FGL1: variants seen among roughly 807,000 people sequenced by gnomAD.
The protein encoded by FGL1 is fibrinogen-like protein 1.
FGL1 carries 59 observed loss-of-function variants against 43.7 expected under a neutral mutation model. The ratio of observed to expected loss-of-function variants is 1.35; its 90% CI spans 1.10 to 1.68. FGL1 has a LOEUF of 1.68. Ranked by LOEUF, FGL1 falls within the 40% of genes most tolerant of loss-of-function variation. FGL1 has a pLI of 0.00. For synonymous variants in FGL1, 192 were observed against 126.5 expected, an observed-to-expected ratio of 1.52 and a Z score of -3.48; for missense variants, 596 against 373.0, an observed-to-expected ratio of 1.60 and a Z score of -4.92.
chr8:17,874,088 C>G lies in FGL1; in HGVS notation c.433G>C (p.Gly145Arg), dbSNP rs1160630932. Residue 145 changes from glycine to arginine, a missense_variant, in exon 5 of 8, where the codon GGA becomes CGA. Coordinates refer to ENST00000427924, the MANE Select transcript of FGL1 (RefSeq NM_004467.4). ...TCACCATGTTTTTGGACAAAATTTC[C>G]AAAGCCATTTTCATAGTCTTTCCAT... ...RGWKDYENGF[G>R]NFVQKHGEYW... 2 of 1,610,472 alleles carry G rather than the reference C, an allele frequency of 1.2e-6. No individual in the cohort carries two copies. The highest frequency in any genetic ancestry group is 2.7e-5 in the African/African-American group (2 of 74,622).
chr8:17,877,905 T>C (rs2517308), intron 3 of FGL1, among the ~76,000 whole-genome samples: 109,767 of 151,606 alleles, frequency 0.72, 40,258 homozygotes, highest in Non-Finnish European at 0.79. Context: ...CATAGATAGC[T>C]GGCATTCACT....
chr8:17,872,447 G>A (rs2053378057), intron 5 of FGL1, among the ~76,000 whole-genome samples: 1 of 151,964 alleles, frequency 6.6e-6, no homozygotes, highest in South Asian at 2.1e-4. Context: ...GGATTACAGT[G>A]CTGTGCCACC....
At chr8:17,887,769 A>G (rs1408781534) in intron 1 of FGL1, among the ~76,000 whole-genome samples, 1 of 151,420 alleles carries the variant, frequency 6.6e-6, no homozygotes, top group Non-Finnish European at 1.5e-5. Context: ...TGGGAGGTGG[A>G]GGTTGCAGTG....
intron 2 of FGL1, among the ~76,000 whole-genome samples, chr8:17,883,205 T>G (rs1304877601): frequency 6.1e-5 from 3 of 49,010 alleles, no homozygotes; most frequent in Admixed American, 7.1e-4. Context: ...ATATATTAAA[T>G]AATATATAAT....
chr8:17,885,934 AG>A (rs1479972481), intron 1 of FGL1, among the ~76,000 whole-genome samples: 1 of 152,084 alleles, frequency 6.6e-6, no homozygotes, highest in Non-Finnish European at 1.5e-5. Context: ...CTGCTTATGG[AG>A]CTTGTGTCTT....
intron 1 of FGL1, among the ~76,000 whole-genome samples, chr8:17,892,455 A>G (rs1233832612): frequency 3.3e-5 from 5 of 152,206 alleles, no homozygotes; most frequent in Non-Finnish European, 7.4e-5. Flanking sequence ...AATATCATCA[A>G]CACTAGAGGC....
chr8:17,876,259 G>A (rs539344653), intron 3 of FGL1, among the ~76,000 whole-genome samples: 1 of 152,068 alleles, frequency 6.6e-6, no homozygotes, highest in African/African-American at 2.4e-5. Flanking sequence ...AATGTTCATT[G>A]TTTTGATACT....
At chr8:17,893,343 A>G (rs540451494) in intron 1 of FGL1, among the ~76,000 whole-genome samples, 80 of 151,932 alleles carry the variant, frequency 5.3e-4, no homozygotes, top group Non-Finnish European at 8.8e-4. Context: ...TATATATCAT[A>G]TAATTTTACC....
chr8:17,895,472 C>G lies in FGL1; in HGVS notation c.-43G>C, dbSNP rs2053761998. 2 of 1,282,898 alleles carry G rather than the reference C, an allele frequency of 1.6e-6. No homozygotes were observed. The highest frequency in any genetic ancestry group is 2.1e-4 in the Middle Eastern group (1 of 4,686). The allele number at this position is 1,282,898 out of a possible 1,614,324, so 79.5% of individuals were successfully genotyped here. On this transcript the variant is annotated 5_prime_UTR_variant, in exon 1 of 8. Transcript: ENST00000427924. ...CTAAAGTCAGAAGTGAGTCAGAGAC[C>G]CAGCTCAGGTTCCATCCAGACACTC...
intron 2 of FGL1, chr8:17,882,669 G>A: frequency 8.0e-6 from 1 of 125,502 alleles, no homozygotes. Context: ...TGGCTGTCTG[G>A]TATAAATACT....
At chr8:17,881,423 C>T (rs2131724963) in intron 3 of FGL1, among the ~76,000 whole-genome samples, 1 of 151,910 alleles carries the variant, frequency 6.6e-6, no homozygotes, top group Non-Finnish European at 1.5e-5. Flanking sequence ...GCGTGAGCCA[C>T]CGCACTTGGC....
chr8:17,883,612 TTATATAG>T (rs2053583343), intron 2 of FGL1, among the ~76,000 whole-genome samples: 1 of 143,240 alleles, frequency 7.0e-6, no homozygotes, highest in African/African-American at 2.6e-5. Flanking sequence ...CATAATGGAT[TTATATAG>T]TATATATTAT....
chr8:17,877,414 C>G (rs995670556), intron 3 of FGL1, among the ~76,000 whole-genome samples: 1 of 152,176 alleles, frequency 6.6e-6, no homozygotes, highest in Non-Finnish European at 1.5e-5. Flanking sequence ...AGTGACATGA[C>G]AGCCTGCCAA....
chr8:17,892,451 A>G (rs2053718482), intron 1 of FGL1, among the ~76,000 whole-genome samples: 1 of 152,202 alleles, frequency 6.6e-6, no homozygotes, highest in East Asian at 1.9e-4. Flanking sequence ...GTCAAATATC[A>G]TCAACACTAG....
At chr8:17,890,964 G>A (rs1364811060) in intron 1 of FGL1, among the ~76,000 whole-genome samples, 1 of 152,092 alleles carries the variant, frequency 6.6e-6, no homozygotes, top group East Asian at 1.9e-4. Context: ...TTTGGGTGGA[G>A]ACACACGCAA....
At chr8:17,885,273 G>A (rs1172595298) in intron 2 of FGL1, among the ~76,000 whole-genome samples, 1 of 151,936 alleles carries the variant, frequency 6.6e-6, no homozygotes, top group Non-Finnish European at 1.5e-5. Context: ...GCGAACTCCT[G>A]ACCTTGTGAT....
chr8:17,864,848 A>G, intron 7 of FGL1, 97 bp from the exon 8 acceptor site: 1 of 1,111,898 alleles, frequency 9.0e-7, no homozygotes, highest in Non-Finnish European at 1.2e-6. Flanking sequence ...AAAATTTTTG[A>G]ACTATGAATT....
At chr8:17,881,547 G>C (rs189003921) in intron 3 of FGL1, among the ~76,000 whole-genome samples, 114 of 151,688 alleles carry the variant, frequency 7.5e-4, no homozygotes, top group African/African-American at 2.7e-3. Flanking sequence ...AAAAAGTAAA[G>C]TGTCGGCTGG....
chr8:17,879,934 T>G (rs13281999), intron 3 of FGL1, among the ~76,000 whole-genome samples: 30,439 of 152,058 alleles, frequency 0.2, 4,228 homozygotes, highest in African/African-American at 0.39. Context: ...ACCCCAAGTC[T>G]TGGGCTTGGT....
Sources: gnomAD v4.1 joint callset for allele counts (sites outside exome capture counted in the v4.1 genomes callset) on GRCh38, gnomAD v4.1.1 for gene constraint, MANE v1.5 for transcripts, NCBI Gene and HGNC (gene_info 2026-07-23, HGNC 2026-07-21) for gene names.